PKIB: variants seen among roughly 807,000 people sequenced by gnomAD.
PKIB encodes cAMP-dependent protein kinase inhibitor beta.
PKIB carries 2 observed loss-of-function variants against 4.5 expected under a neutral mutation model. That is an observed-to-expected ratio of 0.44 (90% CI 0.18 to 1.39). The LOEUF (loss-of-function observed/expected upper bound fraction) is 1.39, where lower values mean the gene tolerates loss of function less well. PKIB is among the 40% of genes most tolerant of loss of function. The probability of loss-of-function intolerance (pLI) is 0.27; values close to 1 mark genes in which losing one functional copy is unlikely to be tolerated. For synonymous variants in PKIB, 38 were observed against 36.0 expected, an observed-to-expected ratio of 1.06 and a Z score of -0.20; for missense variants, 94 against 92.6, an observed-to-expected ratio of 1.02 and a Z score of -0.06.
chr6:122,549,193 G>C (rs1772592671), intron 2 of PKIB, among the ~76,000 whole-genome samples: 1 of 152,112 alleles, frequency 6.6e-6, no homozygotes. Context: ...CAGTTAGGAG[G>C]ACTAAGTCAA....
intron 3 of PKIB, among the ~76,000 whole-genome samples, chr6:122,595,236 A>T (rs564060344): frequency 2.6e-5 from 4 of 152,188 alleles, no homozygotes; most frequent in African/African-American, 9.7e-5. Flanking sequence ...CAGAGCATAC[A>T]TGGCTTTCTG....
intron 2 of PKIB, among the ~76,000 whole-genome samples, chr6:122,672,662 A>T (rs1777513690): frequency 6.6e-6 from 1 of 152,084 alleles, no homozygotes; most frequent in Non-Finnish European, 1.5e-5. Context: ...AAAAAATATT[A>T]GAACATCTAA....
chr6:122,615,389 T>C, intron 1 of PKIB, among the ~76,000 whole-genome samples: 1 of 152,116 alleles, frequency 6.6e-6, no homozygotes, highest in East Asian at 1.9e-4. Flanking sequence ...CTAGAAATAT[T>C]AGGAGATGAA....
chr6:122,615,163 G>T lies in PKIB; in HGVS notation c.-161+4628G>T, dbSNP rs1375647450. 2.0e-5 allele frequency among the ~76,000 whole-genome samples: 3 copies of T among 152,160 alleles called. No homozygotes were observed. In the East Asian group the frequency reaches 5.8e-4, roughly 29 times the overall value. ...GTCTATGATAATTCTGTGTATTGTAGTGAAGTAGTAGAACTTTTTGCAGTA... is the reference window on the plus strand; with the variant it reads ...GTCTATGATAATTCTGTGTATTGTATTGAAGTAGTAGAACTTTTTGCAGTA... On this transcript the variant is annotated intron_variant, in intron 1 of 4. Transcript: ENST00000368452.
At chr6:122,492,186 G>T (rs1775955790) in intron 2 of PKIB, among the ~76,000 whole-genome samples, 1 of 152,106 alleles carries the variant, frequency 6.6e-6, no homozygotes, top group African/African-American at 2.4e-5. Context: ...TTTAGAGAGA[G>T]AAATACATTT....
intron 3 of PKIB, chr6:122,701,648 A>G (rs1336584186): frequency 1.1e-6 from 1 of 906,874 alleles, no homozygotes; most frequent in Non-Finnish European, 1.7e-6. Flanking sequence ...CTCAGAACCA[A>G]ATAACCAAGG....
intron 3 of PKIB, chr6:122,701,233 A>G: frequency 6.2e-6 from 3 of 481,924 alleles, no homozygotes; most frequent in Middle Eastern, 5.7e-4. Context: ...TGGTGTGGCC[A>G]CTTTCCTTCC....
At chr6:122,569,886 A>G (rs959414125) in intron 2 of PKIB, among the ~76,000 whole-genome samples, 3 of 152,196 alleles carry the variant, frequency 2.0e-5, no homozygotes, top group African/African-American at 7.2e-5. Context: ...GCAGAGACAC[A>G]ATTACAGTGC....
intron 3 of PKIB, among the ~76,000 whole-genome samples, chr6:122,593,926 T>G (rs1742278644): frequency 6.6e-6 from 1 of 152,128 alleles, no homozygotes; most frequent in East Asian, 1.9e-4. Context: ...CAATACTTTG[T>G]ATCCTTCAAT....
chr6:122,473,464 CT>C (rs60007180), intron 1 of PKIB, among the ~76,000 whole-genome samples: 205 of 152,194 alleles, frequency 1.3e-3, no homozygotes, highest in African/African-American at 4.7e-3. Context: ...ATTAATCTTT[CT>C]GGAATGTAAC....
At chr6:122,691,873 T>A (rs1778369343) in intron 3 of PKIB, among the ~76,000 whole-genome samples, 1 of 152,208 alleles carries the variant, frequency 6.6e-6, no homozygotes, top group South Asian at 2.1e-4. Flanking sequence ...GATTTGGGTA[T>A]TGTGATCTAA....
chr6:122,480,889 T>G (rs1775592582), intron 2 of PKIB: 1 of 151,236 alleles, frequency 6.6e-6, no homozygotes, highest in South Asian at 2.1e-4. Context: ...AGTGATATTG[T>G]ACATACCACA....
At position 122,692,951 on chromosome 6, in the gene PKIB, A is replaced by T. The variant is rs139041935; in HGVS notation, c.-9+17807A>T. 6.1e-3 allele frequency among the ~76,000 whole-genome samples: 931 copies of T among 152,376 alleles called. 8 individuals carry two copies. The highest frequency in any genetic ancestry group is 0.021 in the African/African-American group (867 of 41,598). On this transcript the variant is annotated intron_variant, in intron 3 of 4. Transcript: ENST00000368452. ...ATTAGCAATACTTTAAATTATAAAG[A>T]CTATTCAAGTTAAGAGAAGGTAGGC...
At chr6:122,693,099 C>T (rs1472070000) in intron 3 of PKIB, among the ~76,000 whole-genome samples, 2 of 152,106 alleles carry the variant, frequency 1.3e-5, no homozygotes, top group African/African-American at 2.4e-5. Context: ...TTAAGATTTC[C>T]ACAACTGTAA....
chr6:122,707,187 C>G (rs1244838449), intron 3 of PKIB, among the ~76,000 whole-genome samples: 4 of 151,796 alleles, frequency 2.6e-5, no homozygotes, highest in Non-Finnish European at 5.9e-5. Context: ...GTTGTTTGCC[C>G]TTTGGTTGGG....
At chr6:122,588,287 T>TCCCCATTTC (rs1328760193) in intron 3 of PKIB, among the ~76,000 whole-genome samples, 1 of 152,164 alleles carries the variant, frequency 6.6e-6, no homozygotes, top group Admixed American at 6.6e-5. Context: ...GGGAATCCTT[T>TCCCCATTTC]TTGTCAGGTT....
chr6:122,560,773 G>A (rs1772989401), intron 2 of PKIB, among the ~76,000 whole-genome samples: 1 of 151,886 alleles, frequency 6.6e-6, no homozygotes, highest in South Asian at 2.1e-4. Context: ...AGTTAAGAGG[G>A]TTGTATTTTT....
chr6:122,575,699 T>C (rs549710188), intron 2 of PKIB, among the ~76,000 whole-genome samples: 1 of 152,306 alleles, frequency 6.6e-6, no homozygotes, highest in South Asian at 2.1e-4. Flanking sequence ...CTCTTACTTA[T>C]AAGTGGGAGC....
intron 2 of PKIB, among the ~76,000 whole-genome samples, chr6:122,553,958 A>G (rs986966236): frequency 3.3e-5 from 5 of 152,204 alleles, no homozygotes; most frequent in Non-Finnish European, 5.9e-5. Flanking sequence ...AGTGACACAG[A>G]TGCTTCTAGT....
Sources: allele counts gnomAD v4.1 joint callset (sites outside exome capture counted in the v4.1 genomes callset), GRCh38; gene constraint gnomAD v4.1.1; transcripts MANE v1.5; gene names NCBI Gene and HGNC (gene_info 2026-07-23, HGNC 2026-07-21).